GRIA1: variants seen among roughly 807,000 people sequenced by gnomAD.
GRIA1 encodes glutamate ionotropic receptor AMPA type subunit 1.
GRIA1 carries 31 observed loss-of-function variants against 99.2 expected under a neutral mutation model. The ratio of observed to expected loss-of-function variants is 0.31; its 90% CI spans 0.23 to 0.42. The LOEUF (loss-of-function observed/expected upper bound fraction) is 0.42, where lower values mean the gene tolerates loss of function less well. Among genes scored for constraint, GRIA1 ranks in the 10% least tolerant of loss-of-function variants. The pLI is 1.00. For synonymous variants in GRIA1, 438 were observed against 432.4 expected (o/e 1.01, Z -0.16); for missense variants, 782 against 1,157.5 (o/e 0.68, Z 4.71).
intron 2 of GRIA1, among the ~76,000 whole-genome samples, chr5:153,646,479 A>G (rs1163836645): frequency 6.6e-6 from 1 of 152,190 alleles, no homozygotes; most frequent in African/African-American, 2.4e-5. Flanking sequence ...TACCTTGAAT[A>G]TGTTCATTAA....
At chr5:153,698,770 G>T (rs1189261499) in intron 9 of GRIA1, 97 bp from the exon 10 acceptor site, 5 of 781,174 alleles carry the variant, frequency 6.4e-6, no homozygotes, top group South Asian at 4.4e-5. Flanking sequence ...GCCTTCCCCA[G>T]TGTTAACCAA....
intron 2 of GRIA1, among the ~76,000 whole-genome samples, chr5:153,522,121 T>C (rs1011897270): frequency 1.3e-5 from 2 of 152,220 alleles, no homozygotes; most frequent in Non-Finnish European, 2.9e-5. Flanking sequence ...TGTAAGACTC[T>C]GGAATTAAAC....
chr5:153,550,084 T>C (rs1759994306), intron 2 of GRIA1, among the ~76,000 whole-genome samples: 2 of 152,168 alleles, frequency 1.3e-5, no homozygotes, highest in African/African-American at 4.8e-5. Flanking sequence ...CAATGAGCTA[T>C]AGAGAAAGCT....
At chr5:153,620,023 C>G (rs182710763) in intron 2 of GRIA1, among the ~76,000 whole-genome samples, 136 of 152,264 alleles carry the variant, frequency 8.9e-4, no homozygotes, top group African/African-American at 3.0e-3. Flanking sequence ...TGAGCTAAAA[C>G]AAGAAGCTTG....
At chr5:153,667,248 G>A (rs532894750) in intron 5 of GRIA1, among the ~76,000 whole-genome samples, 15 of 152,146 alleles carry the variant, frequency 9.9e-5, no homozygotes, top group East Asian at 1.9e-4. Flanking sequence ...TTACTTGCCC[G>A]TTTCCTTGAA....
intron 11 of GRIA1, among the ~76,000 whole-genome samples, chr5:153,748,455 G>T (rs1037496423): frequency 6.6e-6 from 1 of 152,214 alleles, no homozygotes; most frequent in African/African-American, 2.4e-5. Flanking sequence ...CAAGACGCGG[G>T]CTGGCTCAGG....
At chr5:153,677,685 C>T (rs577090852) in intron 7 of GRIA1, among the ~76,000 whole-genome samples, 20 of 152,306 alleles carry the variant, frequency 1.3e-4, no homozygotes, top group East Asian at 9.6e-4. Context: ...AAAATGGCCA[C>T]GCCAACTCCA....
intron 2 of GRIA1, among the ~76,000 whole-genome samples, chr5:153,504,232 G>A (rs1341588178): frequency 1.3e-5 from 2 of 151,680 alleles, no homozygotes; most frequent in Non-Finnish European, 2.9e-5. Context: ...AAAACCATAC[G>A]GACATGGGGG....
intron 2 of GRIA1, among the ~76,000 whole-genome samples, chr5:153,642,704 T>C (rs138974467): frequency 8.6e-5 from 13 of 151,590 alleles, no homozygotes; most frequent in African/African-American, 3.1e-4. Flanking sequence ...GCTTTCTAAA[T>C]GGCAAATACT....
chr5:153,706,773 G>T (rs1758925756), intron 11 of GRIA1, among the ~76,000 whole-genome samples: 1 of 152,108 alleles, frequency 6.6e-6, no homozygotes, highest in Admixed American at 6.6e-5. Context: ...TTCCAGTGAT[G>T]ATGGAAATTT....
chr5:153,653,688 C>T (rs1027282766), intron 4 of GRIA1, among the ~76,000 whole-genome samples: 2 of 152,134 alleles, frequency 1.3e-5, no homozygotes, highest in South Asian at 2.1e-4. Context: ...TATATATTGA[C>T]CATCTGGCAC....
chr5:153,756,337 T>C (rs1762826021), intron 11 of GRIA1, among the ~76,000 whole-genome samples: 1 of 152,114 alleles, frequency 6.6e-6, no homozygotes, highest in South Asian at 2.1e-4. Context: ...ACATCTGGGC[T>C]ACTGGGGTGA....
intron 2 of GRIA1, among the ~76,000 whole-genome samples, chr5:153,617,720 T>A (rs1444910735): frequency 6.6e-6 from 1 of 152,168 alleles, no homozygotes; most frequent in Admixed American, 6.5e-5. Context: ...ACCTCTAATC[T>A]CATATTTATT....
chr5:153,680,404 C>G (rs1581457625), intron 7 of GRIA1, among the ~76,000 whole-genome samples: 1 of 152,050 alleles, frequency 6.6e-6, no homozygotes, highest in East Asian at 1.9e-4. Flanking sequence ...GTGGAGAAGA[C>G]TCAACTCCCC....
At chr5:153,641,781 T>A (rs747407872) in intron 2 of GRIA1, among the ~76,000 whole-genome samples, 1 of 152,242 alleles carries the variant, frequency 6.6e-6, no homozygotes, top group Non-Finnish European at 1.5e-5. Flanking sequence ...GAAGCTTTCT[T>A]TGAGGTCCCC....
intron 12 of GRIA1, among the ~76,000 whole-genome samples, chr5:153,768,782 A>C (rs1763690633): frequency 6.6e-6 from 1 of 152,226 alleles, no homozygotes; most frequent in African/African-American, 2.4e-5. Flanking sequence ...ATATATTAAC[A>C]ACTGAATTAT....
chr5:153,498,803 G>A (rs1754687371), intron 2 of GRIA1, among the ~76,000 whole-genome samples: 1 of 151,974 alleles, frequency 6.6e-6, no homozygotes, highest in South Asian at 2.1e-4. Context: ...TTCTAGAGCT[G>A]AGAAGTGCTG....
chr5:153,583,240 CTT>C (rs1384013320), intron 2 of GRIA1, among the ~76,000 whole-genome samples: 1 of 152,138 alleles, frequency 6.6e-6, no homozygotes, highest in Non-Finnish European at 1.5e-5. Flanking sequence ...GGTCCCCTGA[CTT>C]TTAGAAGTGG....
At chr5:153,552,105 G>A (rs1442105354) in intron 2 of GRIA1, among the ~76,000 whole-genome samples, 1 of 152,060 alleles carries the variant, frequency 6.6e-6, no homozygotes, top group Non-Finnish European at 1.5e-5. Flanking sequence ...TCCCAAACTG[G>A]TGTTCTATGG....
Sources: gnomAD v4.1 joint callset for allele counts (sites outside exome capture counted in the v4.1 genomes callset) on GRCh38, gnomAD v4.1.1 for gene constraint, MANE v1.5 for transcripts, NCBI Gene and HGNC (gene_info 2026-07-23, HGNC 2026-07-21) for gene names.